The following SCHIP1 variants were observed in gnomAD, a reference collection of about 807,000 sequenced individuals.
SCHIP1 encodes schwannomin-interacting protein 1.
Under a neutral mutation model 29.7 loss-of-function variants are expected in SCHIP1, and 8 were observed. That is an observed-to-expected ratio of 0.27 (90% CI 0.16 to 0.49). The LOEUF is 0.49. Ranked by LOEUF, SCHIP1 falls within the 20% of genes least tolerant of loss-of-function variation. The pLI is 0.99. For synonymous variants in SCHIP1, 76 were observed against 94.9 expected (o/e 0.80, Z 1.16); for missense variants, 193 against 294.6 (o/e 0.66, Z 2.52).
At chr3:159,890,854 A>G (rs1717446434) in intron 5 of SCHIP1, among the ~76,000 whole-genome samples, 1 of 152,052 alleles carries the variant, frequency 6.6e-6, no homozygotes, top group South Asian at 2.1e-4. Context: ...AAGTCAGGAT[A>G]TCTAAAAGCA....
chr3:159,380,358 G>T, the SCHIP1 span, among the ~76,000 whole-genome samples: 66,261 of 151,982 alleles, frequency 0.44, 15,761 homozygotes, highest in African/African-American at 0.64. Context: ...TTGATGTGTT[G>T]AAGGCTGACA....
At chr3:159,543,825 G>A in the SCHIP1 span, among the ~76,000 whole-genome samples, 2 of 152,088 alleles carry the variant, frequency 1.3e-5, no homozygotes, top group African/African-American at 2.4e-5. Context: ...CTAGTTTACA[G>A]TCCCACCAAC....
chr3:159,657,450 T>G, the SCHIP1 span, among the ~76,000 whole-genome samples: 1 of 152,364 alleles, frequency 6.6e-6, no homozygotes, highest in East Asian at 1.9e-4. Context: ...TAGTGAAGGC[T>G]GTTAGTCACA....
chr3:159,772,221 A>G, the SCHIP1 span, among the ~76,000 whole-genome samples: 2 of 151,856 alleles, frequency 1.3e-5, no homozygotes, highest in East Asian at 1.9e-4. Context: ...CACAATCTCG[A>G]CTCGCTGCAA....
At chr3:159,778,471 T>G in the SCHIP1 span, among the ~76,000 whole-genome samples, 1 of 152,194 alleles carries the variant, frequency 6.6e-6, no homozygotes, top group African/African-American at 2.4e-5. Flanking sequence ...TTTCAAGAAA[T>G]GAACATTTAC....
At chr3:159,734,395 C>T in the SCHIP1 span, among the ~76,000 whole-genome samples, 3 of 151,968 alleles carry the variant, frequency 2.0e-5, no homozygotes, top group African/African-American at 7.2e-5. Flanking sequence ...CCACCTCGGC[C>T]TCCCAAAGTG....
the SCHIP1 span, among the ~76,000 whole-genome samples, chr3:159,328,220 T>A: frequency 2.6e-5 from 4 of 152,344 alleles, no homozygotes; most frequent in East Asian, 7.7e-4. Context: ...ATGACTACTA[T>A]ATTAGATGGC....
the SCHIP1 span, among the ~76,000 whole-genome samples, chr3:159,290,982 A>AT: frequency 6.6e-6 from 1 of 152,244 alleles, no homozygotes; most frequent in East Asian, 1.9e-4. Context: ...GTTCTTTTCC[A>AT]TGAAAAAGCA....
chr3:159,678,547 A>G, the SCHIP1 span, among the ~76,000 whole-genome samples: 2 of 152,248 alleles, frequency 1.3e-5, no homozygotes, highest in African/African-American at 2.4e-5. Flanking sequence ...ACTTATATCT[A>G]AAACTAATAT....
intron 1 of SCHIP1, 36 bp from the exon 3 acceptor site, chr3:159,866,127 C>A: frequency 1.3e-6 from 2 of 1,596,944 alleles, no homozygotes; most frequent in Non-Finnish European, 1.7e-6. Flanking sequence ...TATATCTGCC[C>A]ACTTATCAGC....
chr3:159,761,483 T>G, the SCHIP1 span, among the ~76,000 whole-genome samples: 1 of 152,222 alleles, frequency 6.6e-6, no homozygotes, highest in Non-Finnish European at 1.5e-5. Context: ...GAAGACAGAA[T>G]CTTTCAATCA....
intron 1 of SCHIP1, chr3:159,853,394 TGATGGAATGGA>T (rs1712907651): frequency 1.4e-6 from 1 of 698,276 alleles, no homozygotes; most frequent in Non-Finnish European, 2.6e-6. Context: ...ATTTGGACAG[TGATGGAATGGA>T]TGACATCATC....
chr3:159,366,691 T>C, the SCHIP1 span, among the ~76,000 whole-genome samples: 1 of 152,194 alleles, frequency 6.6e-6, no homozygotes, highest in Non-Finnish European at 1.5e-5. Context: ...CAACACTGGA[T>C]TTGGAGTTAA....
the SCHIP1 span, among the ~76,000 whole-genome samples, chr3:159,568,576 T>C: frequency 1.3e-5 from 2 of 152,140 alleles, no homozygotes; most frequent in African/African-American, 4.8e-5. Context: ...TTAACTGTCT[T>C]GATGCACTTT....
the SCHIP1 span, among the ~76,000 whole-genome samples, chr3:159,382,522 G>T: frequency 6.6e-6 from 1 of 152,040 alleles, no homozygotes; most frequent in Non-Finnish European, 1.5e-5. Flanking sequence ...GGATATTTGG[G>T]TTGGTCCCAA....
the SCHIP1 span, among the ~76,000 whole-genome samples, chr3:159,676,036 CAGG>C: frequency 1.2e-4 from 19 of 152,236 alleles, no homozygotes; most frequent in African/African-American, 4.6e-4. Context: ...GAGGCTGAAG[CAGG>C]AGAATTGCTT....
At chr3:159,844,875 G>A (rs1310363808) in intron 1 of SCHIP1, among the ~76,000 whole-genome samples, 1 of 152,170 alleles carries the variant, frequency 6.6e-6, no homozygotes, top group Non-Finnish European at 1.5e-5. Context: ...CTTAGCTACT[G>A]TGGGAATGGA....
chr3:159,777,136 A>G, the SCHIP1 span, among the ~76,000 whole-genome samples: 2 of 152,350 alleles, frequency 1.3e-5, no homozygotes, highest in South Asian at 2.1e-4. Flanking sequence ...ACATACATAT[A>G]CATTTGTGAG....
chr3:159,615,587 C>A, the SCHIP1 span, among the ~76,000 whole-genome samples: 1 of 152,260 alleles, frequency 6.6e-6, no homozygotes, highest in Non-Finnish European at 1.5e-5. Context: ...TGAAGATGAC[C>A]CTTACCTGCC....
Sources: allele counts gnomAD v4.1 joint callset (sites outside exome capture counted in the v4.1 genomes callset), GRCh38; gene constraint gnomAD v4.1.1; transcripts MANE v1.5; gene names NCBI Gene and HGNC (gene_info 2026-07-23, HGNC 2026-07-21).